Variants in FMN2 observed in about 807,000 individuals in gnomAD.
FMN2 encodes formin 2.
FMN2 carries 51 observed loss-of-function variants against 142.3 expected under a neutral mutation model. That is an observed-to-expected ratio of 0.36 (90% confidence interval 0.29 to 0.45). FMN2 has a LOEUF of 0.45. Among genes scored for constraint, FMN2 ranks in the 20% least tolerant of loss-of-function variants. The probability of loss-of-function intolerance (pLI) is 1.00; values close to 1 mark genes in which losing one functional copy is unlikely to be tolerated. For missense variants in FMN2, 1,936 were observed against 2,122.8 expected, an observed-to-expected ratio of 0.91 and a Z score of 1.73; for synonymous variants, 882 against 869.8, an observed-to-expected ratio of 1.01 and a Z score of -0.25.
intron 2 of FMN2, among the ~76,000 whole-genome samples, chr1:240,125,005 G>A (rs1662442429): frequency 6.6e-6 from 1 of 152,090 alleles, no homozygotes; most frequent in Non-Finnish European, 1.5e-5. Context: ...TTGTTTTGTT[G>A]CTGCCAACAG....
intron 3 of FMN2, among the ~76,000 whole-genome samples, chr1:240,182,077 TAAAC>T (rs1665178411): frequency 6.6e-6 from 1 of 152,236 alleles, no homozygotes; most frequent in South Asian, 2.1e-4. Context: ...AAGATCTAAA[TAAAC>T]ATCTACTTAG....
rs10157874 is a variant in FMN2, at chr1:240,333,965, A to G, written c.4644+19A>G. 2.4e-5 allele frequency: 38 copies of G among 1,594,372 alleles called. No individual in the cohort carries two copies. Among genetic ancestry groups the G allele is most frequent in the Middle Eastern group, 1.7e-4 (1 of 6,000 alleles). On this transcript the variant is annotated intron_variant, in intron 12 of 17. Transcript: ENST00000319653. The stretch of plus-strand genomic sequence containing the variant: ...TGATGAGGTAAGACAATTTTTACAT[A>G]TAGTCATATTCCATTATTCTTTATT...
chr1:240,458,947 A>G (rs1472460605), intron 16 of FMN2: 2 of 152,198 alleles, frequency 1.3e-5, no homozygotes, highest in African/African-American at 2.4e-5. Flanking sequence ...TGTAAATACC[A>G]TGAAAATCCA....
In FMN2 at chr1:240,209,104, C is replaced by T. The variant is rs192724615; in HGVS notation, c.3920+372C>T. 3.9e-3 allele frequency among the ~76,000 whole-genome samples: 600 copies of T among 152,046 alleles called. 6 individuals are homozygous for T. The highest frequency in any genetic ancestry group is 0.014 in the African/African-American group (563 of 41,458). ...ATTCCAGTGAAAGTATGCTTATATG[C>T]CCTTTGGAAAATGAATGAGGGCAGG... On this transcript the variant is annotated intron_variant, in intron 5 of 17. Transcript: ENST00000319653.
At chr1:240,118,956 A>G (rs1348302820) in intron 1 of FMN2, among the ~76,000 whole-genome samples, 1 of 152,180 alleles carries the variant, frequency 6.6e-6, no homozygotes. Flanking sequence ...TTGAAGGAGA[A>G]TAAATCATCT....
At chr1:240,302,914 T>G (rs1424812113) in intron 8 of FMN2, among the ~76,000 whole-genome samples, 1 of 152,116 alleles carries the variant, frequency 6.6e-6, no homozygotes, top group African/African-American at 2.4e-5. Context: ...CCCATACATT[T>G]TTATGCCCTA....
intron 13 of FMN2, among the ~76,000 whole-genome samples, chr1:240,354,761 A>C (rs1672209033): frequency 1.3e-5 from 2 of 152,192 alleles, no homozygotes; most frequent in African/African-American, 4.8e-5. Context: ...AAAGAAAGAA[A>C]ATATATTAGA....
At chr1:240,367,954 G>A (rs1250663698) in intron 14 of FMN2, among the ~76,000 whole-genome samples, 4 of 152,030 alleles carry the variant, frequency 2.6e-5, no homozygotes, top group Admixed American at 2.6e-4. Context: ...TATGGATAAT[G>A]CTGTTTTAGT....
At chr1:240,167,631 A>G (rs889302293) in intron 2 of FMN2, among the ~76,000 whole-genome samples, 1 of 152,226 alleles carries the variant, frequency 6.6e-6, no homozygotes, top group African/African-American at 2.4e-5. Flanking sequence ...TTCCATGTAG[A>G]GCTGTTTTAA....
intron 15 of FMN2, among the ~76,000 whole-genome samples, chr1:240,415,608 A>G (rs1674552219): frequency 6.6e-6 from 1 of 152,180 alleles, no homozygotes; most frequent in Non-Finnish European, 1.5e-5. Context: ...TAATATCTAG[A>G]TTATGCAGCA....
intron 2 of FMN2, among the ~76,000 whole-genome samples, chr1:240,176,740 A>T (rs1664933691): frequency 6.6e-6 from 1 of 152,180 alleles, no homozygotes. Context: ...GTTGGTCGAG[A>T]TAGGATAGCT....
In FMN2 at chr1:240,453,411, C is replaced by T. The variant is rs190404151; in HGVS notation, c.5060+15201C>T. 4.2e-3 allele frequency among the ~76,000 whole-genome samples: 643 copies of T among 152,160 alleles called. 3 individuals carry two copies. The highest frequency in any genetic ancestry group is 6.1e-3 in the Non-Finnish European group (412 of 68,004). On this transcript the variant is annotated intron_variant, in intron 16 of 17. Coordinates refer to ENST00000319653, the MANE Select transcript of FMN2 (RefSeq NM_020066.5). Reference sequence around the variant, plus strand: ...ACTTCAGTTTTCTAATTTAAACAATCGACATATCAATCACTAAAGTACATG... The same window carrying T: ...ACTTCAGTTTTCTAATTTAAACAATTGACATATCAATCACTAAAGTACATG...
chr1:240,419,313 A>G (rs964143990), intron 15 of FMN2, among the ~76,000 whole-genome samples: 1 of 151,904 alleles, frequency 6.6e-6, no homozygotes, highest in East Asian at 1.9e-4. Flanking sequence ...CTAAATTTGT[A>G]CTTTGCCTTA....
intron 7 of FMN2, among the ~76,000 whole-genome samples, chr1:240,276,936 C>T (rs1669235944): frequency 6.6e-6 from 1 of 152,136 alleles, no homozygotes; most frequent in South Asian, 2.1e-4. Flanking sequence ...GACACTAGTT[C>T]ACTGGGGAAA....
intron 2 of FMN2, among the ~76,000 whole-genome samples, chr1:240,149,519 G>T (rs1663672335): frequency 6.6e-6 from 1 of 152,154 alleles, no homozygotes; most frequent in Non-Finnish European, 1.5e-5. Flanking sequence ...GCACTGAAGA[G>T]AATATAAGGT....
intron 14 of FMN2, among the ~76,000 whole-genome samples, chr1:240,382,903 C>T (rs904063854): frequency 2.0e-5 from 3 of 151,914 alleles, no homozygotes; most frequent in Non-Finnish European, 4.4e-5. Context: ...GGTACTGGTA[C>T]AAAATTAGGC....
At chr1:240,286,441 C>T (rs1294989167) in intron 7 of FMN2, among the ~76,000 whole-genome samples, 2 of 152,142 alleles carry the variant, frequency 1.3e-5, no homozygotes, top group African/African-American at 4.8e-5. Context: ...TCTGATATTC[C>T]TTGCTTTACC....
In FMN2 at chr1:240,438,645, C is replaced by A. The variant is rs527767425; in HGVS notation, c.5060+435C>A. On this transcript the variant is annotated intron_variant, in intron 16 of 17. Transcript: ENST00000319653. ...TATCAAAAGTTCATCCAGATATCAC[C>A]AAGAAACACAGATGTCAAAATTTTT... is the stretch of plus-strand genomic sequence containing the variant. Among the ~76,000 whole-genome samples the A allele has an allele frequency of 9.8e-5, 15 of 152,294 alleles. No individual in the cohort carries two copies. In the South Asian group the frequency reaches 2.9e-3, roughly 30 times the overall value.
In FMN2 at chr1:240,314,491, T is replaced by A. The variant is rs938753820; in HGVS notation, c.4216-14585T>A. ...AAAAATAGTCCAAATTTCTACTTTTTAAAAAGAGAGAGGAAAGAGGAGAAG... is the reference window on the plus strand; with the variant it reads ...AAAAATAGTCCAAATTTCTACTTTTAAAAAAGAGAGAGGAAAGAGGAGAAG... On this transcript the variant is annotated intron_variant, in intron 8 of 17. Transcript: ENST00000319653. Among the ~76,000 whole-genome samples the A allele has an allele frequency of 3.3e-5, 5 of 152,312 alleles. No homozygotes were observed. The South Asian group carries it at 6.2e-4, about 19-fold the overall frequency.
Sources: gnomAD v4.1 joint callset for allele counts (sites outside exome capture counted in the v4.1 genomes callset) on GRCh38, gnomAD v4.1.1 for gene constraint, MANE v1.5 for transcripts, NCBI Gene and HGNC (gene_info 2026-07-23, HGNC 2026-07-21) for gene names.